Variants in SHOX2 observed in about 807,000 individuals in gnomAD.
The protein encoded by SHOX2 is SHOX homeobox 2.
SHOX2 carries 13 observed loss-of-function variants against 31.3 expected under a neutral mutation model. The observed-to-expected ratio is 0.42, with a 90% CI of 0.27 to 0.66. The LOEUF (loss-of-function observed/expected upper bound fraction) is 0.66. Ranked by LOEUF, SHOX2 falls within the 30% of genes least tolerant of loss-of-function variation. The pLI, the probability that SHOX2 is intolerant of heterozygous loss-of-function variation, is 0.27. For missense variants in SHOX2, 473 were observed against 443.0 expected (o/e 1.07, Z -0.61); for synonymous variants, 244 against 196.2 (o/e 1.24, Z -2.04).
chr3:158,103,382 C>G, intron 1 of SHOX2: 1 of 191,850 alleles, frequency 5.2e-6, no homozygotes, highest in Non-Finnish European at 1.1e-5. Context: ...CAGGCCAGCT[C>G]TCACCACCGC....
intron 2 of SHOX2, 80 bp downstream of exon 2, chr3:158,102,596 TCC>T: frequency 9.0e-7 from 1 of 1,112,874 alleles, no homozygotes; most frequent in Non-Finnish European, 1.4e-6. Flanking sequence ...AAGCACCACC[TCC>T]CGAGTGTGTC....
chr3:158,099,802 A>C, intron 4 of SHOX2, 58 bp downstream of exon 4: 2 of 1,271,518 alleles, frequency 1.6e-6, no homozygotes, highest in Non-Finnish European at 1.1e-6. Flanking sequence ...TCAACAGTTC[A>C]AGCAAACATT....
At chr3:158,104,493 CA>C (rs1713727522) in intron 1 of SHOX2, among the ~76,000 whole-genome samples, 1 of 152,216 alleles carries the variant, frequency 6.6e-6, no homozygotes, top group Non-Finnish European at 1.5e-5. Context: ...TTATAGTAAA[CA>C]TTATGGGCCA....
Position 158,098,834 on chromosome 3 carries a change from G to C in SHOX2, c.703-550C>G, listed in dbSNP as rs377346306. ...CTCGTTAAAATTCAGATTCTGATTC[G>C]CAAGGTCTAGGTTGGGGCCTGAGAT... On this transcript the variant is annotated intron_variant, in intron 4 of 4. Coordinates refer to ENST00000483851, the MANE Select transcript of SHOX2 (RefSeq NM_001163678.2). Among the ~76,000 whole-genome samples the C allele has an allele frequency of 1.4e-3, 218 of 152,224 alleles. 3 individuals are homozygous for C. Among genetic ancestry groups the C allele is most frequent in the Non-Finnish European group, 2.3e-3 (156 of 68,024 alleles).
At chr3:158,100,356 CT>C in intron 2 of SHOX2, 45 bp from the exon 3 acceptor site, 1 of 1,483,430 alleles carries the variant, frequency 6.7e-7, no homozygotes, top group Non-Finnish European at 9.1e-7. Flanking sequence ...GATGTTATGA[CT>C]AAAAATTTTT....
In SHOX2 at chr3:158,106,072, G is replaced by A. The variant is rs369347756; in HGVS notation, c.-48C>T. On this transcript the variant is annotated 5_prime_UTR_variant, in exon 1 of 5. Coordinates refer to ENST00000483851, the MANE Select transcript of SHOX2 (RefSeq NM_001163678.2). ...GCTCAACCTCTGCCAGCAGAGCCCC[G>A]CTCTTTTTTTCCTTCTTCTTTTTTT... 1.5e-5 allele frequency: 24 copies of A among 1,607,724 alleles called. No individual in the cohort carries two copies. Among genetic ancestry groups the A allele is most frequent in the Non-Finnish European group, 1.9e-5 (22 of 1,177,046 alleles).
rs1713175100 is a variant in SHOX2 at position 158,097,248 on chromosome 3, G to A, written c.*779C>T. On this transcript the variant is annotated 3_prime_UTR_variant, in exon 5 of 5. Coordinates refer to ENST00000483851, the MANE Select transcript of SHOX2 (RefSeq NM_001163678.2). ...CATACATGGTGGGTTTAAACTCAAAGCATCTGATTCAACGTAAAAGGAGGC... is the reference window on the plus strand; with the variant it reads ...CATACATGGTGGGTTTAAACTCAAAACATCTGATTCAACGTAAAAGGAGGC... 6.6e-6 allele frequency: 1 copy of A among 152,088 alleles called. No homozygotes were observed. The allele number at this position is 152,088 out of a possible 1,614,324, so 9.4% of individuals were successfully genotyped here.
At chr3:158,104,849 A>G (rs1713757999) in intron 1 of SHOX2, among the ~76,000 whole-genome samples, 1 of 152,198 alleles carries the variant, frequency 6.6e-6, no homozygotes, top group Admixed American at 6.5e-5. Context: ...TGCAGGCACC[A>G]AGTGCCAAAT....
At chr3:158,100,348 T>C (rs1713423243) in intron 2 of SHOX2, 37 bp from the exon 3 acceptor site, 3 of 1,519,080 alleles carry the variant, frequency 2.0e-6, no homozygotes, top group East Asian at 4.6e-5. Flanking sequence ...AAAACCTAGA[T>C]GTTATGACTA....
rs745598965 is a variant in SHOX2 at position 158,099,894 on chromosome 3, A to C, written c.668T>G (p.Val223Gly). 2 of 1,614,092 alleles carry C rather than the reference A, an allele frequency of 1.2e-6. No homozygotes were observed. The highest frequency in any genetic ancestry group is 2.7e-5 in the African/African-American group (2 of 74,946). Residue 223 changes from valine (V) to glycine (G), a missense_variant, in exon 4 of 5, where the codon GTC becomes GGC. Around this residue, in one of 3 missense-constraint regions of SHOX2, gnomAD observed 182 missense variants for 167.2 expected, o/e 1.09. Coordinates refer to ENST00000483851, the MANE Select transcript of SHOX2 (RefSeq NM_001163678.2). ...QFEACRVAPY[V>G]NVGALRMPFQ... ...TGGCATCCTTAAAGCACCTACGTTG[A>C]CATAAGGTGCGACTCTACAAGCTTC...
At position 158,098,278 on chromosome 3, in the gene SHOX2, C is replaced by T. The variant is rs768632900; in HGVS notation, c.709G>A (p.Ala237Thr). ...ALRMPFQQVQ[A>T]QLQLDSAVAH... ...ACAGCGCTGTCCAGCTGCAGCTGCG[C>T]CTGAACCTGAAAGGACAAGGGCGTC... Residue 237 changes from alanine to threonine, a missense_variant, in exon 5 of 5, where the codon GCG becomes ACG. Ala to Thr is a moderately conservative substitution (Grantham distance 58). Transcript: ENST00000483851. The T allele has an allele frequency of 1.7e-5, 28 of 1,613,418 alleles. No homozygotes were observed. The African/African-American group carries it at 2.3e-4, about 13-fold the overall frequency.
chr3:158,105,607 G>C (rs1713848347), intron 1 of SHOX2, 72 bp downstream of exon 1: 3 of 1,374,378 alleles, frequency 2.2e-6, no homozygotes, highest in Non-Finnish European at 2.9e-6. Flanking sequence ...GGGCCTCGGA[G>C]TCCTCTCCCG....
Position 158,105,946 on chromosome 3 carries a change from C to G in SHOX2, c.79G>C (p.Glu27Gln), listed in dbSNP as rs1317032223. 1 of 1,612,306 alleles carries G rather than the reference C, an allele frequency of 6.2e-7. No homozygotes were observed. Among genetic ancestry groups the G allele is most frequent in the Non-Finnish European group, 8.5e-7 (1 of 1,179,610 alleles). The change falls in exon 1 of 5, where the codon GAG (glutamate) becomes CAG (glutamine). Residue 27 changes from glutamate (E) to glutamine (Q), a missense_variant. By Grantham distance (29) the Glu-to-Gln change is conservative. Around this residue, in one of 3 missense-constraint regions of SHOX2, gnomAD observed 276 missense variants for 230.0 expected, o/e 1.20. Coordinates refer to ENST00000483851, the MANE Select transcript of SHOX2 (RefSeq NM_001163678.2). ...KEKKEAITYR[E>Q]VLESGPLRGA... ...CGCAGCGGCCCGCTCTCCAGCACCT[C>G]CCGGTACGTGATCGCCTCCTTCTTC...
intron 1 of SHOX2, 55 bp from the exon 2 acceptor site, chr3:158,102,941 C>T (rs758203774): frequency 2.8e-6 from 4 of 1,429,402 alleles, no homozygotes; most frequent in Middle Eastern, 1.9e-4. Context: ...CACACACACA[C>T]ACGCACACAC....
rs1456835251 is a variant in SHOX2, at chr3:158,096,033, T to G, written c.*1994A>C. 6.5e-6 allele frequency: 1 copy of G among 152,698 alleles called. No homozygotes were observed. The highest frequency in any genetic ancestry group is 1.5e-5 in the Non-Finnish European group (1 of 68,048). The allele number at this position is 152,698 out of a possible 1,614,324, so 9.5% of individuals were successfully genotyped here. A position where few individuals can be genotyped will look rare whatever the true frequency, so the allele number is the denominator to read the frequency against. ...CCATCAAATGAAACGATATTTTCAT[T>G]CAATTGATCGCAAAGTGTCTTCAAT... On this transcript the variant is annotated 3_prime_UTR_variant, in exon 5 of 5. Transcript: ENST00000483851.
intron 4 of SHOX2, 156 bp from the exon 5 acceptor site, chr3:158,098,440 G>A: frequency 1.1e-6 from 1 of 873,710 alleles, no homozygotes; most frequent in Non-Finnish European, 1.8e-6. Context: ...TTCCGACAGT[G>A]ACCTTCTCAG....
intron 1 of SHOX2, chr3:158,105,233 G>A (rs1713811095): frequency 1.4e-6 from 1 of 726,008 alleles, no homozygotes; most frequent in Middle Eastern, 3.6e-4. Context: ...CGACCGGAGG[G>A]TTAAGCTTTC....
At chr3:158,103,231 G>T (rs1713629459) in intron 1 of SHOX2, 1 of 379,678 alleles carries the variant, frequency 2.6e-6, no homozygotes, top group South Asian at 2.3e-5. Flanking sequence ...ACTCACTTTC[G>T]CACTCACTTG....
At chr3:158,098,383 TG>T in intron 4 of SHOX2, 99 bp from the exon 5 acceptor site, 1 of 1,477,240 alleles carries the variant, frequency 6.8e-7, no homozygotes, top group Middle Eastern at 1.8e-4. Flanking sequence ...GAGAGAGAGT[TG>T]GGTTGTGTTT....
Sources: gnomAD v4.1 joint callset for allele counts (sites outside exome capture counted in the v4.1 genomes callset) on GRCh38, gnomAD v4.1.1 for gene constraint, gnomAD v4.1.1 regional missense constraint, MANE v1.5 for transcripts, NCBI Gene and HGNC (gene_info 2026-07-23, HGNC 2026-07-21) for gene names.